The following KLRD1 variants were observed in gnomAD, a reference collection of about 807,000 sequenced individuals.
The protein encoded by KLRD1 is killer cell lectin like receptor D1.
In KLRD1, 21 loss-of-function variants were observed where a neutral mutation model predicts 22.6. The ratio of observed to expected loss-of-function variants is 0.93; its 90% CI spans 0.66 to 1.34. KLRD1 has a LOEUF of 1.34. KLRD1 is among the 40% of genes most tolerant of loss of function. The pLI is 0.00. For missense variants in KLRD1, 183 were observed against 208.6 expected, an observed-to-expected ratio of 0.88 and a Z score of 0.76; for synonymous variants, 59 against 71.1, an observed-to-expected ratio of 0.83 and a Z score of 0.85.
At chr12:10,242,410 A>G (rs796247755) in intron 1 of KLRD1, among the ~76,000 whole-genome samples, 1 of 152,280 alleles carries the variant, frequency 6.6e-6, no homozygotes, top group African/African-American at 2.4e-5. Context: ...AACATTTTCA[A>G]TCCCTTCTCT....
chr12:10,309,947 T>G (rs143969931), intron 3 of KLRD1, among the ~76,000 whole-genome samples: 2 of 152,352 alleles, frequency 1.3e-5, no homozygotes, highest in East Asian at 3.8e-4. Context: ...TGAGTGCTCA[T>G]AATTAAGTAA....
chr12:10,320,038 T>C lies in KLRD1; in HGVS notation c.*5245T>C, dbSNP rs1350548321. The C allele has an allele frequency of 1.3e-5, 2 of 151,874 alleles. No homozygotes were observed. The highest frequency in any genetic ancestry group is 3.9e-4 in the East Asian group (2 of 5,150). The allele number at this position is 151,874 out of a possible 1,614,324, so 9.4% of individuals were successfully genotyped here. A position where few individuals can be genotyped will look rare whatever the true frequency, so the allele number is the denominator to read the frequency against. ...GCACCACCACTCCTGGCTAATTTTT[T>C]TGTATTTTTAGTACAGACGGGGTTT... On this transcript the variant is annotated 3_prime_UTR_variant, in exon 6 of 6. Coordinates refer to ENST00000336164, the MANE Select transcript of KLRD1 (RefSeq NM_002262.5).
chr12:10,248,530 T>TTTCC (rs547431896), intron 1 of KLRD1, among the ~76,000 whole-genome samples: 14,383 of 96,130 alleles, frequency 0.15, 1,298 homozygotes, highest in Admixed American at 0.21. Context: ...TGTATTTTCT[T>TTTCC]TTCCTTCCTT....
At chr12:10,255,576 A>AT (rs1487804403) in intron 1 of KLRD1, among the ~76,000 whole-genome samples, 1 of 151,858 alleles carries the variant, frequency 6.6e-6, no homozygotes, top group Non-Finnish European at 1.5e-5. Context: ...TTTCCCTTGT[A>AT]TTTTTTCTTT....
rs1280598732 is a variant in KLRD1 at position 10,286,363 on chromosome 12, G to A, written c.-100-21615G>A. ...CTTAATGGTTTTGAGCACTAATTAG[G>A]TGTTAAATACCCTATATGTTTATAC... On this transcript the variant is annotated intron_variant, in intron 1 of 5. Transcript: ENST00000544747. Among the ~76,000 whole-genome samples the A allele has an allele frequency of 2.0e-5, 3 of 151,970 alleles. No homozygotes were observed. The East Asian group carries it at 5.8e-4, about 29-fold the overall frequency.
intron 1 of KLRD1, among the ~76,000 whole-genome samples, chr12:10,278,478 C>T (rs1949611492): frequency 6.6e-6 from 1 of 152,150 alleles, no homozygotes; most frequent in Non-Finnish European, 1.5e-5. Flanking sequence ...CTCAAAATTA[C>T]ACAAAAGCAA....
At chr12:10,252,707 C>A (rs1361176179) in intron 1 of KLRD1, among the ~76,000 whole-genome samples, 1 of 152,060 alleles carries the variant, frequency 6.6e-6, no homozygotes, top group Non-Finnish European at 1.5e-5. Flanking sequence ...TGTATATGAA[C>A]ATGAAGACTT....
intron 1 of KLRD1, among the ~76,000 whole-genome samples, chr12:10,293,872 G>T (rs949045716): frequency 1.3e-5 from 2 of 152,054 alleles, no homozygotes; most frequent in African/African-American, 4.8e-5. Context: ...AGCTATTTTT[G>T]TAACTTTTTT....
At chr12:10,267,474 A>T (rs578045889) in intron 1 of KLRD1, among the ~76,000 whole-genome samples, 2 of 152,306 alleles carry the variant, frequency 1.3e-5, no homozygotes, top group African/African-American at 4.8e-5. Context: ...AAAGCAGAAG[A>T]TAAAATGTTG....
intron 1 of KLRD1, among the ~76,000 whole-genome samples, chr12:10,288,853 G>C (rs1024335307): frequency 6.6e-6 from 1 of 152,266 alleles, no homozygotes; most frequent in East Asian, 1.9e-4. Flanking sequence ...AATGTATAAA[G>C]TGTTTAATGC....
At chr12:10,290,507 AT>A (rs1322812877) in intron 1 of KLRD1, among the ~76,000 whole-genome samples, 1 of 152,216 alleles carries the variant, frequency 6.6e-6, no homozygotes, top group Non-Finnish European at 1.5e-5. Flanking sequence ...GTGTGATCTT[AT>A]TTATATTAAA....
chr12:10,247,381 CATCTT>C (rs900221524), intron 1 of KLRD1, among the ~76,000 whole-genome samples: 8 of 152,208 alleles, frequency 5.3e-5, no homozygotes, highest in East Asian at 3.9e-4. Flanking sequence ...TTTTTTCAAA[CATCTT>C]ATCCAAGTAG....
chr12:10,279,123 T>G (rs1189394702), intron 1 of KLRD1, among the ~76,000 whole-genome samples: 1 of 152,044 alleles, frequency 6.6e-6, no homozygotes, highest in Non-Finnish European at 1.5e-5. Flanking sequence ...AACAGGTAGT[T>G]TTTTGATCCT....
chr12:10,245,213 C>G (rs1949279790), intron 1 of KLRD1, among the ~76,000 whole-genome samples: 1 of 152,040 alleles, frequency 6.6e-6, no homozygotes, highest in African/African-American at 2.4e-5. Context: ...CAAAAATTAG[C>G]AGGGCATGGT....
At chr12:10,313,942 A>G (rs184772698) in intron 5 of KLRD1, among the ~76,000 whole-genome samples, 241 of 152,272 alleles carry the variant, frequency 1.6e-3, no homozygotes, top group African/African-American at 5.6e-3. Flanking sequence ...ATTTCATCCT[A>G]TATCTTTTGT....
At chr12:10,299,556 A>G (rs2137675333), upstream of KLRD1, among the ~76,000 whole-genome samples, 1 of 152,278 alleles carries the variant, frequency 6.6e-6, no homozygotes, top group Admixed American at 6.5e-5. Context: ...CTTAATTTCA[A>G]AATCTGTTAT....
intron 1 of KLRD1, among the ~76,000 whole-genome samples, chr12:10,292,591 A>G (rs763109068): frequency 5.9e-5 from 9 of 152,208 alleles, no homozygotes; most frequent in Non-Finnish European, 1.3e-4. Flanking sequence ...TAAAATATGT[A>G]GCAAACCATG....
At chr12:10,284,720 C>T (rs1378685141) in intron 1 of KLRD1, among the ~76,000 whole-genome samples, 2 of 152,042 alleles carry the variant, frequency 1.3e-5, no homozygotes, top group African/African-American at 4.8e-5. Context: ...CACAGTGGCT[C>T]ACACCTGTAA....
intron 1 of KLRD1, among the ~76,000 whole-genome samples, chr12:10,289,112 A>G (rs1427005809): frequency 6.6e-6 from 1 of 152,186 alleles, no homozygotes; most frequent in Admixed American, 6.5e-5. Context: ...GTTCCACTTC[A>G]CTGACACTTA....
Sources: gnomAD v4.1 joint callset for allele counts (sites outside exome capture counted in the v4.1 genomes callset) on GRCh38, gnomAD v4.1.1 for gene constraint, MANE v1.5 for transcripts, NCBI Gene and HGNC (gene_info 2026-07-23, HGNC 2026-07-21) for gene names.